Variants in LTBP1 observed in about 807,000 individuals in gnomAD.
LTBP1 encodes the protein latent-transforming growth factor beta-binding protein 1.
LTBP1 carries 129 observed loss-of-function variants against 207.6 expected under a neutral mutation model. That is an observed-to-expected ratio of 0.62 (90% CI 0.54 to 0.72). The LOEUF is 0.72. LTBP1 is among the 30% of genes least tolerant of loss of function. LTBP1 has a pLI of 0.00. For missense variants in LTBP1, 2,281 were observed against 2,217.2 expected (o/e 1.03, Z -0.58); for synonymous variants, 963 against 833.7 (o/e 1.16, Z -2.67).
chr2:32,964,819 G>A (rs960844803), intron 2 of LTBP1, among the ~76,000 whole-genome samples: 9 of 151,834 alleles, frequency 5.9e-5, no homozygotes, highest in African/African-American at 1.5e-4. Flanking sequence ...GAGGCGGGCG[G>A]ATCATGAGGT....
At chr2:33,180,151 C>G (rs1053873668) in intron 5 of LTBP1, among the ~76,000 whole-genome samples, 1 of 152,216 alleles carries the variant, frequency 6.6e-6, no homozygotes, top group Non-Finnish European at 1.5e-5. Context: ...TGTTCTGGAT[C>G]ACCCTAACTC....
intron 7 of LTBP1, among the ~76,000 whole-genome samples, chr2:33,195,129 T>G (rs187911731): frequency 1.3e-5 from 2 of 152,316 alleles, no homozygotes; most frequent in East Asian, 3.9e-4. Flanking sequence ...CTAATGGAGA[T>G]GTACAAAAAG....
intron 7 of LTBP1, among the ~76,000 whole-genome samples, chr2:33,198,770 C>A (rs1346219697): frequency 3.9e-5 from 6 of 152,032 alleles, no homozygotes; most frequent in Admixed American, 3.3e-4. Flanking sequence ...TTTATTGCGT[C>A]TATTTGATTC....
At chr2:33,245,552 C>T (rs1457509198) in intron 10 of LTBP1, among the ~76,000 whole-genome samples, 2 of 152,292 alleles carry the variant, frequency 1.3e-5, no homozygotes, top group African/African-American at 2.4e-5. Context: ...AGCAGACAGA[C>T]ACCTAATTAT....
At chr2:33,001,189 AT>A (rs1686020187) in intron 2 of LTBP1, among the ~76,000 whole-genome samples, 1 of 135,400 alleles carries the variant, frequency 7.4e-6, no homozygotes, top group African/African-American at 2.6e-5. Context: ...CAATTACCAA[AT>A]TCCTTTACTA....
At chr2:32,954,960 G>T (rs1480846409) in intron 2 of LTBP1, among the ~76,000 whole-genome samples, 1 of 152,210 alleles carries the variant, frequency 6.6e-6, no homozygotes, top group Non-Finnish European at 1.5e-5. Flanking sequence ...TTTTACTGGG[G>T]CTCTTTTAAA....
chr2:33,288,854 C>CAAAAA, intron 19 of LTBP1, among the ~76,000 whole-genome samples: 1 of 73,064 alleles, frequency 1.4e-5, no homozygotes, highest in East Asian at 4.5e-4. Flanking sequence ...GACTCTGTCT[C>CAAAAA]AAAAAAAAAA....
intron 18 of LTBP1, among the ~76,000 whole-genome samples, chr2:33,277,541 A>G (rs11682866): frequency 0.024 from 3,586 of 152,206 alleles, 71 homozygotes; most frequent in Non-Finnish European, 0.038. Flanking sequence ...ATGTTGCCAT[A>G]ACTTGTATGA....
At chr2:33,277,799 C>CTTTCTTTCTT (rs1558933708) in intron 18 of LTBP1, among the ~76,000 whole-genome samples, 12 of 47,472 alleles carry the variant, frequency 2.5e-4, no homozygotes, top group African/African-American at 4.5e-4. Flanking sequence ...CTTTCTTTCT[C>CTTTCTTTCTT]TCTCTCTTTC....
chr2:33,059,543 T>C (rs17324902), intron 3 of LTBP1, among the ~76,000 whole-genome samples: 1,826 of 152,264 alleles, frequency 0.012, 23 homozygotes, highest in Non-Finnish European at 0.021. Context: ...AGAACCTCTA[T>C]AGGATTAAAA....
At chr2:33,255,229 C>T (rs1368354852) in intron 11 of LTBP1, among the ~76,000 whole-genome samples, 3 of 151,722 alleles carry the variant, frequency 2.0e-5, no homozygotes, top group Non-Finnish European at 4.4e-5. Context: ...TTTCCAATTT[C>T]ATCCATGTCC....
chr2:33,086,812 G>T (rs950847012), intron 3 of LTBP1, among the ~76,000 whole-genome samples: 1 of 151,914 alleles, frequency 6.6e-6, no homozygotes. Flanking sequence ...TCCTTGTCTC[G>T]TTGGGCCACC....
chr2:33,223,057 C>G (rs1193161603), intron 9 of LTBP1, among the ~76,000 whole-genome samples: 1 of 152,138 alleles, frequency 6.6e-6, no homozygotes, highest in African/African-American at 2.4e-5. Context: ...TTCTGAGGCT[C>G]TGTATCCTTC....
At chr2:33,116,117 T>C (rs2080732414) in intron 4 of LTBP1, among the ~76,000 whole-genome samples, 1 of 152,230 alleles carries the variant, frequency 6.6e-6, no homozygotes, top group Non-Finnish European at 1.5e-5. Context: ...GTAACTGACA[T>C]GGTTCCCTAG....
At chr2:33,071,804 G>A (rs2077805051) in intron 3 of LTBP1, among the ~76,000 whole-genome samples, 1 of 152,106 alleles carries the variant, frequency 6.6e-6, no homozygotes. Context: ...TTTCACTGTG[G>A]GACCTAAGCT....
chr2:33,028,523 C>T (rs2075540448), intron 3 of LTBP1, among the ~76,000 whole-genome samples: 1 of 152,106 alleles, frequency 6.6e-6, no homozygotes, highest in Admixed American at 6.5e-5. Context: ...CAAAAATTAG[C>T]TGGGCATAGT....
intron 2 of LTBP1, among the ~76,000 whole-genome samples, chr2:32,961,634 A>G (rs1203525747): frequency 6.6e-6 from 1 of 152,166 alleles, no homozygotes; most frequent in Non-Finnish European, 1.5e-5. Context: ...ATCAAGTCAA[A>G]TGAGGCTCAT....
Position 33,319,527 on chromosome 2 carries a change from C to T in LTBP1, c.3730+4258C>T, listed in dbSNP as rs147161285. On this transcript the variant is annotated intron_variant, in intron 24 of 33. Transcript: ENST00000404816. ...ATGGTAATCAGATTCCTAGGGGTCA[C>T]CACGTCTGTCCCCATGGCCCATGGG... Among the ~76,000 whole-genome samples, 592 of 152,204 alleles carry T rather than the reference C, an allele frequency of 3.9e-3. 1 individual carries two copies. Among genetic ancestry groups the T allele is most frequent in the Non-Finnish European group, 6.7e-3 (455 of 68,004 alleles).
chr2:33,369,573 T>A (rs1171081396), intron 31 of LTBP1, among the ~76,000 whole-genome samples: 2 of 152,100 alleles, frequency 1.3e-5, no homozygotes, highest in African/African-American at 2.4e-5. Context: ...CTTTTTTTAT[T>A]TTTTGACAGA....
Sources: gnomAD v4.1 joint callset for allele counts (sites outside exome capture counted in the v4.1 genomes callset) on GRCh38, gnomAD v4.1.1 for gene constraint, MANE v1.5 for transcripts, NCBI Gene and HGNC (gene_info 2026-07-23, HGNC 2026-07-21) for gene names.